SNTG1: variants seen among roughly 807,000 people sequenced by gnomAD.
SNTG1 encodes syntrophin gamma 1.
A neutral mutation model predicts 74.7 loss-of-function variants in SNTG1; 39 were observed. The ratio of observed to expected loss-of-function variants is 0.52; its 90% CI spans 0.40 to 0.68. The LOEUF is 0.68. SNTG1 is among the 30% of genes least tolerant of loss of function. The pLI, the probability that SNTG1 is intolerant of heterozygous loss-of-function variation, is 0.00. For missense variants in SNTG1, 685 were observed against 609.5 expected (o/e 1.12, Z -1.30); for synonymous variants, 254 against 217.1 (o/e 1.17, Z -1.49).
chr8:50,155,382 AAT>A (rs1027258623), intron 1 of SNTG1, among the ~76,000 whole-genome samples: 6 of 152,194 alleles, frequency 3.9e-5, no homozygotes, highest in African/African-American at 1.4e-4. Context: ...AAACAAAAAT[AAT>A]CTCAATCAAC....
intron 8 of SNTG1, among the ~76,000 whole-genome samples, chr8:50,491,858 C>T (rs1396548933): frequency 3.3e-5 from 5 of 149,580 alleles, no homozygotes; most frequent in South Asian, 4.2e-4. Flanking sequence ...GGTATTTCTC[C>T]TAATGCTATT....
rs569329741 is a variant in SNTG1 at position 49,996,938 on chromosome 8, A to G, written c.-103+84707A>G. On this transcript the variant is annotated intron_variant, in intron 1 of 18. Coordinates refer to ENST00000642720, the MANE Select transcript of SNTG1 (RefSeq NM_018967.5). ...TTAAAGAAGAATCTTGAGGTCCAAT[A>G]GTAAGACGATTTGAACTTGTTTTAT... 2.0e-5 allele frequency among the ~76,000 whole-genome samples: 3 copies of G among 152,306 alleles called. 1 individual carries two copies. The South Asian group carries it at 6.2e-4, about 32-fold the overall frequency.
At chr8:49,915,017 C>T (rs1336973493) in intron 1 of SNTG1, 4 of 152,130 alleles carry the variant, frequency 2.6e-5, no homozygotes, top group Non-Finnish European at 5.9e-5. Context: ...GAGACAACAT[C>T]CTGTGGTAAG....
chr8:50,035,649 G>A (rs1033832743), intron 1 of SNTG1, among the ~76,000 whole-genome samples: 3 of 152,136 alleles, frequency 2.0e-5, no homozygotes, highest in African/African-American at 7.2e-5. Flanking sequence ...CCATTTATCA[G>A]TTGAGATTCC....
At chr8:50,711,130 A>AC (rs1307116323) in intron 17 of SNTG1, among the ~76,000 whole-genome samples, 45 of 152,194 alleles carry the variant, frequency 3.0e-4, no homozygotes, top group African/African-American at 8.7e-4. Flanking sequence ...AGAAACTTGC[A>AC]CCCCTTCATC....
intron 2 of SNTG1, among the ~76,000 whole-genome samples, chr8:50,174,826 G>A (rs964758657): frequency 4.0e-5 from 6 of 151,286 alleles, no homozygotes; most frequent in African/African-American, 9.7e-5. Flanking sequence ...TCATCATTTA[G>A]CATTAGGTAT....
chr8:50,416,065 C>T (rs1421935989), intron 4 of SNTG1, among the ~76,000 whole-genome samples: 2 of 152,084 alleles, frequency 1.3e-5, no homozygotes, highest in African/African-American at 4.8e-5. Context: ...CTTTTATCTT[C>T]ATGTTAATTA....
At chr8:50,282,236 T>G (rs2130444128) in intron 2 of SNTG1, among the ~76,000 whole-genome samples, 1 of 152,248 alleles carries the variant, frequency 6.6e-6, no homozygotes, top group Non-Finnish European at 1.5e-5. Flanking sequence ...AACTTCTCCC[T>G]CACACAGAAA....
chr8:50,394,467 T>C (rs1164727566), intron 3 of SNTG1, among the ~76,000 whole-genome samples: 1 of 152,204 alleles, frequency 6.6e-6, no homozygotes, highest in Admixed American at 6.5e-5. Context: ...CTTTAACTCT[T>C]TCTTTAGGAA....
At chr8:50,467,337 C>G (rs1331545829) in intron 8 of SNTG1, among the ~76,000 whole-genome samples, 1 of 151,768 alleles carries the variant, frequency 6.6e-6, no homozygotes, top group African/African-American at 2.4e-5. Context: ...CGTTAAATAT[C>G]TTTAATAAAC....
At chr8:50,685,749 GCA>G (rs1486492901) in intron 15 of SNTG1, among the ~76,000 whole-genome samples, 3 of 151,656 alleles carry the variant, frequency 2.0e-5, no homozygotes, top group Admixed American at 6.6e-5. Flanking sequence ...ACTTTTGTGG[GCA>G]CACACACACA....
intron 15 of SNTG1, among the ~76,000 whole-genome samples, chr8:50,690,861 C>T (rs866312980): frequency 5.3e-5 from 8 of 152,066 alleles, no homozygotes; most frequent in Middle Eastern, 3.4e-3. Context: ...TAAAGTCTCC[C>T]GTTATTATTG....
At chr8:49,921,020 T>C (rs1806491259) in intron 1 of SNTG1, among the ~76,000 whole-genome samples, 1 of 152,026 alleles carries the variant, frequency 6.6e-6, no homozygotes, top group African/African-American at 2.4e-5. Flanking sequence ...GTCAAATGGA[T>C]AATGAGAGGA....
intron 2 of SNTG1, among the ~76,000 whole-genome samples, chr8:50,309,438 C>T (rs999252759): frequency 2.0e-5 from 3 of 151,864 alleles, no homozygotes; most frequent in Non-Finnish European, 4.4e-5. Context: ...TTGATTCCTT[C>T]GGCCCACATA....
At chr8:50,616,187 C>G (rs1382938512) in intron 13 of SNTG1, among the ~76,000 whole-genome samples, 1 of 152,140 alleles carries the variant, frequency 6.6e-6, no homozygotes, top group Non-Finnish European at 1.5e-5. Context: ...TACGGTTTGA[C>G]CAAACAGCTA....
At chr8:50,581,050 A>G (rs1178644667) in intron 12 of SNTG1, among the ~76,000 whole-genome samples, 1 of 152,220 alleles carries the variant, frequency 6.6e-6, no homozygotes, top group Non-Finnish European at 1.5e-5. Flanking sequence ...AAAAATGGCC[A>G]TTTCAAATTT....
At position 50,508,135 on chromosome 8, in the gene SNTG1, T is replaced by C. The variant is rs949826763; in HGVS notation, c.466+5255T>C. Among the ~76,000 whole-genome samples, 3 of 152,186 alleles carry C rather than the reference T, an allele frequency of 2.0e-5. No individual in the cohort carries two copies. In the East Asian group the frequency reaches 5.8e-4, roughly 29 times the overall value. On this transcript the variant is annotated intron_variant, in intron 9 of 18. Coordinates refer to ENST00000642720, the MANE Select transcript of SNTG1 (RefSeq NM_018967.5). ...TTCCTGTGTTCATGTGTTCTCACTG[T>C]TCAGTTCCTACCTATGAGTGAGAAC... is the stretch of plus-strand genomic sequence containing the variant.
Position 50,721,885 on chromosome 8 carries a change from A to G in SNTG1, c.1284+12907A>G. 1.3e-5 allele frequency among the ~76,000 whole-genome samples: 2 copies of G among 152,154 alleles called. 1 individual carries two copies. The highest frequency in any genetic ancestry group is 1.3e-4 in the Admixed American group (2 of 15,274). On this transcript the variant is annotated intron_variant, in intron 17 of 18. Transcript: ENST00000642720. Reference sequence around the variant, plus strand: ...AAATAACAAAGATGTTGCTTCACTGAAAGAACAGCAGACTCTCAGAATGCA... The same window carrying G: ...AAATAACAAAGATGTTGCTTCACTGGAAGAACAGCAGACTCTCAGAATGCA...
At chr8:50,217,709 C>A (rs2084862770) in intron 2 of SNTG1, among the ~76,000 whole-genome samples, 1 of 152,140 alleles carries the variant, frequency 6.6e-6, no homozygotes, top group Non-Finnish European at 1.5e-5. Flanking sequence ...CTCTTCATAA[C>A]AACTCTTCAA....
Sources: allele counts gnomAD v4.1 joint callset (sites outside exome capture counted in the v4.1 genomes callset), GRCh38; gene constraint gnomAD v4.1.1; transcripts MANE v1.5; gene names NCBI Gene and HGNC (gene_info 2026-07-23, HGNC 2026-07-21).